DLGAP1: variants seen among roughly 807,000 people sequenced by gnomAD.
The protein encoded by DLGAP1 is disks large-associated protein 1.
In DLGAP1, 11 loss-of-function variants were observed where a neutral mutation model predicts 90.8. The ratio of observed to expected loss-of-function variants is 0.12; its 90% CI spans 0.08 to 0.20. The LOEUF (loss-of-function observed/expected upper bound fraction) is 0.20. Ranked by LOEUF, DLGAP1 falls within the 10% of genes least tolerant of loss-of-function variation. The pLI is 1.00. For synonymous variants in DLGAP1, 558 were observed against 540.7 expected (o/e 1.03, Z -0.44); for missense variants, 1,050 against 1,333.8 (o/e 0.79, Z 3.31).
chr18:3,890,715 T>C (rs1599115039), intron 3 of DLGAP1, among the ~76,000 whole-genome samples: 1 of 152,302 alleles, frequency 6.6e-6, no homozygotes, highest in Non-Finnish European at 1.5e-5. Flanking sequence ...TGGATTAAAG[T>C]ATTTTTGTTT....
rs2293095 is a variant in DLGAP1 at position 4,133,465 on chromosome 18, G to T, written c.-159+17715C>A. ...TTGGTCCATTGGGTGAAATTAATGGGATCTTTTACAACCCTGATCCTAATT... is the reference window on the plus strand; with the variant it reads ...TTGGTCCATTGGGTGAAATTAATGGTATCTTTTACAACCCTGATCCTAATT... On this transcript the variant is annotated intron_variant, in intron 2 of 12. Transcript: ENST00000315677. Among the ~76,000 whole-genome samples, 35 of 152,252 alleles carry T rather than the reference G, an allele frequency of 2.3e-4. No homozygotes were observed. In the East Asian group the frequency reaches 6.8e-3, roughly 29 times the overall value.
chr18:4,126,806 G>A (rs2076239612), intron 2 of DLGAP1, among the ~76,000 whole-genome samples: 1 of 152,110 alleles, frequency 6.6e-6, no homozygotes, highest in Non-Finnish European at 1.5e-5. Flanking sequence ...CAAAAACGTA[G>A]ATATCAAAGA....
At chr18:4,039,070 C>T (rs552146391) in intron 2 of DLGAP1, among the ~76,000 whole-genome samples, 5 of 152,000 alleles carry the variant, frequency 3.3e-5, no homozygotes, top group Admixed American at 6.6e-5. Context: ...CTAGGGTTTA[C>T]GCTACTACCT....
In DLGAP1 at chr18:4,263,090, C is replaced by T. The variant is rs181527557; in HGVS notation, c.-266-111803G>A. ...CTGGGACTACAGGCACGTGCCACCA[C>T]GTCCAGCTAATTTTTGTATTTTTAG... On this transcript the variant is annotated intron_variant, in intron 1 of 12. Transcript: ENST00000315677. Among the ~76,000 whole-genome samples, 12 of 152,136 alleles carry T rather than the reference C, an allele frequency of 7.9e-5. No homozygotes were observed. In the East Asian group the frequency reaches 1.6e-3, roughly 20 times the overall value.
At chr18:4,325,512 T>G (rs2039115210) in intron 1 of DLGAP1, among the ~76,000 whole-genome samples, 1 of 152,000 alleles carries the variant, frequency 6.6e-6, no homozygotes, top group South Asian at 2.1e-4. Flanking sequence ...AAAAACTATT[T>G]AAAAATTCAT....
At chr18:4,087,059 A>G (rs2075694061) in intron 2 of DLGAP1, among the ~76,000 whole-genome samples, 1 of 96,026 alleles carries the variant, frequency 1.0e-5, no homozygotes, top group South Asian at 2.9e-4. Flanking sequence ...ACATATATAT[A>G]TACACACACT....
At chr18:4,340,184 A>G (rs2081160526) in intron 1 of DLGAP1, among the ~76,000 whole-genome samples, 1 of 152,174 alleles carries the variant, frequency 6.6e-6, no homozygotes. Flanking sequence ...TTAATGACAT[A>G]TTATAAAATA....
At chr18:4,102,056 T>C (rs1020691286) in intron 2 of DLGAP1, among the ~76,000 whole-genome samples, 1 of 152,156 alleles carries the variant, frequency 6.6e-6, no homozygotes, top group African/African-American at 2.4e-5. Flanking sequence ...GGGAGCCATA[T>C]ATATATGCTT....
chr18:4,286,797 T>C (rs2079705788), intron 1 of DLGAP1, among the ~76,000 whole-genome samples: 2 of 152,092 alleles, frequency 1.3e-5, no homozygotes. Context: ...GAAATAATTT[T>C]GTTAGGGAGG....
rs145707370 is a variant in DLGAP1, at chr18:4,083,533, T to C, written c.-159+67647A>G. On this transcript the variant is annotated intron_variant, in intron 2 of 12. Coordinates refer to ENST00000315677, the MANE Select transcript of DLGAP1 (RefSeq NM_004746.4). ...CTACTGATATCTATCAACTCTCTAA[T>C]TGGAATCATAGTGAAGCCATTCTTA... Among the ~76,000 whole-genome samples the C allele has an allele frequency of 5.9e-5, 9 of 152,346 alleles. No individual in the cohort carries two copies. In the East Asian group the frequency reaches 7.7e-4, roughly 13 times the overall value.
At chr18:3,513,488 G>C (rs1032772986) in intron 10 of DLGAP1, among the ~76,000 whole-genome samples, 1 of 152,180 alleles carries the variant, frequency 6.6e-6, no homozygotes, top group African/African-American at 2.4e-5. Context: ...AGTGCCAATG[G>C]ATAGGGGTGA....
chr18:3,520,581 G>T (rs2051120564), intron 10 of DLGAP1, among the ~76,000 whole-genome samples: 1 of 152,130 alleles, frequency 6.6e-6, no homozygotes. Flanking sequence ...CTGGAGATGA[G>T]AACACAGACA....
intron 3 of DLGAP1, among the ~76,000 whole-genome samples, chr18:3,950,623 A>C (rs1229581975): frequency 6.6e-6 from 1 of 152,246 alleles, no homozygotes; most frequent in African/African-American, 2.4e-5. Context: ...TGAATGATGA[A>C]CATTCATTGA....
intron 1 of DLGAP1, among the ~76,000 whole-genome samples, chr18:4,336,021 T>G: frequency 6.6e-6 from 1 of 152,204 alleles, no homozygotes; most frequent in East Asian, 1.9e-4. Context: ...AAATACAAGC[T>G]TCAGTTTATC....
At chr18:3,730,252 CAACA>C (rs2062372596) in intron 6 of DLGAP1, among the ~76,000 whole-genome samples, 1 of 150,770 alleles carries the variant, frequency 6.6e-6, no homozygotes, top group Non-Finnish European at 1.5e-5. Flanking sequence ...GATCTTGTCT[CAACA>C]AACAAACAAC....
At chr18:4,337,129 GAAAA>G (rs377398210) in intron 1 of DLGAP1, among the ~76,000 whole-genome samples, 1 of 61,380 alleles carries the variant, frequency 1.6e-5, no homozygotes, top group Non-Finnish European at 3.3e-5. Context: ...AAAGAAAAAA[GAAAA>G]AAAAAAAAAG....
chr18:3,791,526 G>T (rs991605678), intron 5 of DLGAP1, among the ~76,000 whole-genome samples: 2 of 152,086 alleles, frequency 1.3e-5, no homozygotes, highest in Admixed American at 1.3e-4. Flanking sequence ...GTGTGTGTGT[G>T]TGTGTGCACG....
intron 3 of DLGAP1, among the ~76,000 whole-genome samples, chr18:3,965,849 G>T (rs1392604004): frequency 6.6e-6 from 1 of 150,448 alleles, no homozygotes; most frequent in Non-Finnish European, 1.5e-5. Context: ...TCAGGAGGCT[G>T]AGGCAGGAGA....
At chr18:4,381,342 A>G (rs1359153784) in intron 1 of DLGAP1, among the ~76,000 whole-genome samples, 1 of 152,178 alleles carries the variant, frequency 6.6e-6, no homozygotes, top group African/African-American at 2.4e-5. Context: ...ATCATATAAT[A>G]TAAGCAGAAT....
Sources: gnomAD v4.1 joint callset for allele counts (sites outside exome capture counted in the v4.1 genomes callset) on GRCh38, gnomAD v4.1.1 for gene constraint, MANE v1.5 for transcripts, NCBI Gene and HGNC (gene_info 2026-07-23, HGNC 2026-07-21) for gene names.